CDKL2: variants seen among roughly 807,000 people sequenced by gnomAD.
CDKL2 encodes cyclin-dependent kinase-like 2.
CDKL2 carries 64 observed loss-of-function variants against 63.9 expected under a neutral mutation model. That is an observed-to-expected ratio of 1.00 (90% confidence interval 0.82 to 1.23). The LOEUF is 1.23. CDKL2 is among the 50% of genes most tolerant of loss of function. CDKL2 has a pLI of 0.00. For missense variants in CDKL2, 656 were observed against 668.0 expected (o/e 0.98, Z 0.20); for synonymous variants, 211 against 229.2 (o/e 0.92, Z 0.72).
chr4:75,597,300 T>C (rs1245888887), intron 8 of CDKL2, 64 bp from the exon 9 acceptor site: 1 of 1,031,910 alleles, frequency 9.7e-7, no homozygotes, highest in Non-Finnish European at 1.4e-6. Context: ...TTACCTCTTC[T>C]TATAAAGTAC....
At chr4:75,596,066 T>C in intron 10 of CDKL2, 181 bp downstream of exon 10, 1 of 412,084 alleles carries the variant, frequency 2.4e-6, no homozygotes, top group South Asian at 7.2e-5. Flanking sequence ...CTCATAAAAC[T>C]TAAACTTTCA....
Position 75,600,260 on chromosome 4 carries a change from A to G in CDKL2, c.884+21T>C, listed in dbSNP as rs865840727. On this transcript the variant is annotated intron_variant, in intron 7 of 13. Coordinates refer to ENST00000307465, the MANE Select transcript of CDKL2 (RefSeq NM_001330724.2). ...TAACCCTAGGTTGGTATGGCCTGAAAAACATGGGTAAGTACTATACCTCTC... is the reference window on the plus strand; with the variant it reads ...TAACCCTAGGTTGGTATGGCCTGAAGAACATGGGTAAGTACTATACCTCTC... 9 of 1,541,680 alleles carry G rather than the reference A, an allele frequency of 5.8e-6. No individual in the cohort carries two copies. The Middle Eastern group carries it at 8.4e-4, about 144-fold the overall frequency.
At chr4:75,611,314 C>G (rs186642207) in intron 3 of CDKL2, among the ~76,000 whole-genome samples, 1 of 152,124 alleles carries the variant, frequency 6.6e-6, no homozygotes, top group East Asian at 1.9e-4. Flanking sequence ...CAAAAATTAG[C>G]CAGGCATGGT....
intron 3 of CDKL2, among the ~76,000 whole-genome samples, chr4:75,612,585 C>A (rs2148898857): frequency 6.6e-6 from 1 of 152,262 alleles, no homozygotes; most frequent in Middle Eastern, 3.4e-3. Context: ...GGGAAGATAT[C>A]ATCATTTTTA....
chr4:75,629,330 C>T (rs1730573437), intron 1 of CDKL2, among the ~76,000 whole-genome samples: 1 of 152,218 alleles, frequency 6.6e-6, no homozygotes, highest in African/African-American at 2.4e-5. Context: ...CCCAAGCTAA[C>T]ATTAATGCAA....
intron 10 of CDKL2, among the ~76,000 whole-genome samples, chr4:75,595,618 T>G (rs562059373): frequency 4.6e-4 from 70 of 151,890 alleles, no homozygotes; most frequent in African/African-American, 1.7e-3. Flanking sequence ...GTTGAGAAAA[T>G]TTACTATGTT....
intron 12 of CDKL2, among the ~76,000 whole-genome samples, chr4:75,587,635 C>G (rs774802368): frequency 6.6e-6 from 1 of 151,804 alleles, no homozygotes; most frequent in Non-Finnish European, 1.5e-5. Context: ...AGAGGCCGGG[C>G]GCAGTGGTTC....
intron 12 of CDKL2, among the ~76,000 whole-genome samples, chr4:75,586,823 C>T (rs1242922615): frequency 2.6e-5 from 4 of 151,964 alleles, no homozygotes; most frequent in African/African-American, 9.7e-5. Context: ...TAAAGCAGTG[C>T]TTAGAGGAAA....
chr4:75,614,413 C>T lies in CDKL2; in HGVS notation c.205G>A (p.Val69Met), dbSNP rs768761245. Residue 69 changes from valine to methionine, a missense_variant, in exon 3 of 14, where the codon GTG becomes ATG. By Grantham distance (21) the Val-to-Met change is conservative. Coordinates refer to ENST00000307465, the MANE Select transcript of CDKL2 (RefSeq NM_001330724.2). ...TACCATCGTTTTTTTTTCTTACACA[C>T]TTCCAAGAGATTCACCAAGTTTTCA... ...RHENLVNLLE[V>M]CKKKKRWYLV... 6.4e-7 allele frequency: 1 copy of T among 1,573,500 alleles called. No individual in the cohort carries two copies.
chr4:75,586,313 C>T (rs1382947689), intron 12 of CDKL2, among the ~76,000 whole-genome samples: 1 of 151,738 alleles, frequency 6.6e-6, no homozygotes. Flanking sequence ...GCAAGCTCTG[C>T]CTCCCAGGTT....
In CDKL2 at chr4:75,600,352, G is replaced by A. The variant is rs143688686; in HGVS notation, c.813C>T (p.Asp271=). The A allele has an allele frequency of 2.6e-4, 422 of 1,610,998 alleles. 1 individual carries two copies. In the African/African-American group the frequency reaches 5.0e-3, roughly 19 times the overall value. The stretch of plus-strand genomic sequence containing the variant: ...CAGCACAGAAGGGTCTTTTGTCGGG[G>A]TCAATATGTAAGCATTTCTGAAAAA... The part of the protein sequence containing the change: ...IDLAKKCLHI[D]PDKRPFCAEL... Residue 271 remains aspartate, a synonymous_variant, in exon 7 of 14, where the codon GAC becomes GAT. Transcript: ENST00000307465.
chr4:75,602,157 A>G (rs983150237), intron 6 of CDKL2, among the ~76,000 whole-genome samples: 3 of 117,222 alleles, frequency 2.6e-5, no homozygotes, highest in Non-Finnish European at 5.6e-5. Context: ...TATGCCCTAC[A>G]TTTTGTTTTT....
At chr4:75,611,653 CTTTTT>C (rs1014442944) in intron 3 of CDKL2, among the ~76,000 whole-genome samples, 6 of 134,484 alleles carry the variant, frequency 4.5e-5, no homozygotes, top group African/African-American at 1.4e-4. Context: ...AGGGAACCAC[CTTTTT>C]TTTTTTTTTT....
rs1410251201 is a variant in CDKL2 at position 75,576,881 on chromosome 4, A to G, written c.*2321T>C. 2.0e-5 allele frequency among the ~76,000 whole-genome samples: 3 copies of G among 152,178 alleles called. No individual in the cohort carries two copies. Among genetic ancestry groups the G allele is most frequent in the Non-Finnish European group, 4.4e-5 (3 of 68,020 alleles). On this transcript the variant is annotated 3_prime_UTR_variant, in exon 14 of 14. Transcript: ENST00000307465. ...AAGCAAGGGATTCTCAGTCAGGAAA[A>G]CCAGGTTCTGTCACAACTATTACCA...
In CDKL2 at chr4:75,597,050, C is replaced by T. The variant is rs1342916491; in HGVS notation, c.1207G>A (p.Asp403Asn). Residue 403 changes from aspartate (D) to asparagine (N), a missense_variant, in exon 9 of 14, where the codon GAC becomes AAC. Coordinates refer to ENST00000307465, the MANE Select transcript of CDKL2 (RefSeq NM_001330724.2). Reference sequence around the variant, plus strand: ...GCCACGCTTGGATTCCTTGTGTGGTCCACGCTGACATTGCTGCAGTCTTTG... The same window carrying T: ...GCCACGCTTGGATTCCTTGTGTGGTTCACGCTGACATTGCTGCAGTCTTTG... ...SLKDCSNVSV[D>N]HTRNPSVAIP... The T allele has an allele frequency of 6.2e-7, 1 of 1,614,174 alleles. No individual in the cohort carries two copies. The highest frequency in any genetic ancestry group is 8.5e-7 in the Non-Finnish European group (1 of 1,180,014).
At chr4:75,601,900 A>G (rs1405131030) in intron 6 of CDKL2, among the ~76,000 whole-genome samples, 1 of 152,236 alleles carries the variant, frequency 6.6e-6, no homozygotes, top group African/African-American at 2.4e-5. Context: ...GGTAAATCTT[A>G]TAGCCTAGTG....
At chr4:75,591,773 G>C (rs763501123) in intron 12 of CDKL2, 46 bp downstream of exon 12, 1 of 1,286,060 alleles carries the variant, frequency 7.8e-7, no homozygotes, top group South Asian at 1.3e-5. Context: ...TAGTAAGTAA[G>C]AGAGAGACCC....
intron 2 of CDKL2, among the ~76,000 whole-genome samples, chr4:75,623,153 C>T (rs1730243033): frequency 6.6e-6 from 1 of 152,128 alleles, no homozygotes; most frequent in African/African-American, 2.4e-5. Flanking sequence ...GTGGCACACG[C>T]CTGTAGGCCC....
chr4:75,597,952 A>T, intron 8 of CDKL2, 125 bp downstream of exon 8: 1 of 576,820 alleles, frequency 1.7e-6, no homozygotes, highest in Non-Finnish European at 2.9e-6. Flanking sequence ...ATACATTTTT[A>T]CAACTAAACT....
Sources: allele counts gnomAD v4.1 joint callset (sites outside exome capture counted in the v4.1 genomes callset), GRCh38; gene constraint gnomAD v4.1.1; transcripts MANE v1.5; gene names NCBI Gene and HGNC (gene_info 2026-07-23, HGNC 2026-07-21).